Variants in RXFP2 observed in about 807,000 individuals in gnomAD.
The protein encoded by RXFP2 is relaxin receptor 2.
Under a neutral mutation model 88.6 loss-of-function variants are expected in RXFP2, and 68 were observed. That is an observed-to-expected ratio of 0.77 (90% CI 0.63 to 0.94). The LOEUF (loss-of-function observed/expected upper bound fraction) is 0.94, where lower values mean the gene tolerates loss of function less well. Among genes scored for constraint, RXFP2 ranks in the 40% least tolerant of loss-of-function variants. The pLI is 0.00. For missense variants in RXFP2, 791 were observed against 893.9 expected (o/e 0.88, Z 1.47); for synonymous variants, 329 against 306.8 (o/e 1.07, Z -0.76).
At chr13:31,793,207 T>A in intron 16 of RXFP2, 119 bp downstream of exon 16, 1 of 913,430 alleles carries the variant, frequency 1.1e-6, no homozygotes, top group Non-Finnish European at 1.6e-6. Flanking sequence ...GACTGTGTCC[T>A]TTTTCACACA....
At chr13:31,774,750 A>C in intron 6 of RXFP2, 59 bp downstream of exon 6, 1 of 924,726 alleles carries the variant, frequency 1.1e-6, no homozygotes. Context: ...AAAAGGATAG[A>C]ATGGTACTTT....
At chr13:31,769,041 C>A (rs967725920) in intron 5 of RXFP2, among the ~76,000 whole-genome samples, 1 of 152,168 alleles carries the variant, frequency 6.6e-6, no homozygotes, top group Non-Finnish European at 1.5e-5. Context: ...TTCATTCACT[C>A]CTGTGATGAA....
chr13:31,797,253 C>G lies in RXFP2; in HGVS notation c.1839C>G (p.Phe613Leu), dbSNP rs139736966. Residue 613 changes from phenylalanine to leucine, a missense_variant, in exon 17 of 18, where the codon TTC becomes TTG. Transcript: ENST00000298386. ...LIIVFSYITM[F>L]CSIQKTALQT... The stretch of plus-strand genomic sequence containing the variant: ...TTGTGTTTTCCTATATTACTATGTT[C>G]TGTTCCATTCAAAAAACCGCCTTGC... 8 of 1,613,958 alleles carry G rather than the reference C, an allele frequency of 5.0e-6. No homozygotes were observed. Among genetic ancestry groups the G allele is most frequent in the Non-Finnish European group, 6.8e-6 (8 of 1,179,870 alleles).
At chr13:31,749,651 C>A (rs184094067) in intron 1 of RXFP2, among the ~76,000 whole-genome samples, 6 of 152,246 alleles carry the variant, frequency 3.9e-5, no homozygotes, top group Admixed American at 2.6e-4. Context: ...AAATACATGA[C>A]CCTGTTCATG....
intron 1 of RXFP2, among the ~76,000 whole-genome samples, chr13:31,753,078 A>AC (rs1354063799): frequency 6.6e-6 from 1 of 151,438 alleles, no homozygotes; most frequent in Non-Finnish European, 1.5e-5. Context: ...CTTGGCCTAT[A>AC]CCCCCCTGGA....
At chr13:31,774,776 G>C (rs1404288191) in intron 6 of RXFP2, 85 bp downstream of exon 6, 1 of 795,006 alleles carries the variant, frequency 1.3e-6, no homozygotes, top group Non-Finnish European at 2.3e-6. Flanking sequence ...GGCTCGACTT[G>C]ATTGTAGGGA....
chr13:31,758,163 A>C, intron 1 of RXFP2, 95 bp from the exon 2 acceptor site: 11 of 1,181,616 alleles, frequency 9.3e-6, no homozygotes, highest in Middle Eastern at 1.9e-4. Flanking sequence ...TACCAGATGA[A>C]CTCAACTCAT....
At chr13:31,802,044 T>C in intron 17 of RXFP2, 102 bp from the exon 18 acceptor site, 2 of 1,168,642 alleles carry the variant, frequency 1.7e-6, no homozygotes, top group South Asian at 2.6e-5. Context: ...TAAAATGTAC[T>C]ATGTCTCCCT....
At chr13:31,781,408 C>G (rs957828292) in intron 9 of RXFP2, among the ~76,000 whole-genome samples, 3 of 152,014 alleles carry the variant, frequency 2.0e-5, no homozygotes, top group African/African-American at 7.2e-5. Context: ...ATGGGTTGGG[C>G]AATATTATAA....
At chr13:31,801,638 G>A (rs1448748128) in intron 17 of RXFP2, among the ~76,000 whole-genome samples, 4 of 151,996 alleles carry the variant, frequency 2.6e-5, no homozygotes, top group African/African-American at 9.7e-5. Context: ...ATCAAGTTTA[G>A]GGAATGCATT....
intron 5 of RXFP2, among the ~76,000 whole-genome samples, chr13:31,771,928 A>G (rs1872749699): frequency 6.6e-6 from 1 of 152,010 alleles, no homozygotes; most frequent in Non-Finnish European, 1.5e-5. Flanking sequence ...TTCACAGTGG[A>G]GTTGAGATCA....
chr13:31,769,378 C>T (rs368945374), intron 5 of RXFP2, among the ~76,000 whole-genome samples: 4 of 152,128 alleles, frequency 2.6e-5, no homozygotes, highest in African/African-American at 9.7e-5. Context: ...TGGTCTTCTA[C>T]ATACGTCTAC....
chr13:31,770,852 G>A (rs7996328), intron 5 of RXFP2, among the ~76,000 whole-genome samples: 48,444 of 152,048 alleles, frequency 0.32, 8,807 homozygotes, highest in Admixed American at 0.43. Flanking sequence ...GGCCTGTGTC[G>A]TAGCATACCT....
intron 17 of RXFP2, among the ~76,000 whole-genome samples, chr13:31,799,790 C>A (rs941941712): frequency 1.3e-5 from 2 of 152,158 alleles, no homozygotes; most frequent in Non-Finnish European, 2.9e-5. Context: ...ACGTCCAGTT[C>A]TGGAGGCTGG....
chr13:31,754,974 T>C (rs1481260663), intron 1 of RXFP2, among the ~76,000 whole-genome samples: 1 of 152,216 alleles, frequency 6.6e-6, no homozygotes, highest in South Asian at 2.1e-4. Flanking sequence ...GGAAATTGCC[T>C]GTGTGCCGAC....
intron 5 of RXFP2, among the ~76,000 whole-genome samples, chr13:31,768,406 A>G (rs1872627240): frequency 6.6e-6 from 1 of 152,234 alleles, no homozygotes; most frequent in African/African-American, 2.4e-5. Context: ...AAGTTTACAA[A>G]GAATTCCAAT....
chr13:31,764,768 T>G (rs1872472785), intron 3 of RXFP2, among the ~76,000 whole-genome samples: 1 of 152,248 alleles, frequency 6.6e-6, no homozygotes, highest in African/African-American at 2.4e-5. Context: ...TAGATGAGTT[T>G]ATGCTAGTTA....
At chr13:31,770,875 A>G (rs1362824075) in intron 5 of RXFP2, among the ~76,000 whole-genome samples, 2 of 152,220 alleles carry the variant, frequency 1.3e-5, no homozygotes, top group Non-Finnish European at 2.9e-5. Context: ...TAAGAAACCC[A>G]TAAGGACTAA....
At chr13:31,759,440 A>AGAAAGAAAGAAAGAAG (rs1555281735) in intron 2 of RXFP2, among the ~76,000 whole-genome samples, 2 of 134,362 alleles carry the variant, frequency 1.5e-5, no homozygotes, top group African/African-American at 2.8e-5. Flanking sequence ...AAAGAAAGAA[A>AGAAAGAAAGAAAGAAG]GAAAGATACT....
Sources: gnomAD v4.1 joint callset for allele counts (sites outside exome capture counted in the v4.1 genomes callset) on GRCh38, gnomAD v4.1.1 for gene constraint, MANE v1.5 for transcripts, NCBI Gene and HGNC (gene_info 2026-07-23, HGNC 2026-07-21) for gene names.